ZNF587B: variants seen among roughly 807,000 people sequenced by gnomAD.
ZNF587B encodes the protein zinc finger protein 587B.
ZNF587B carries 6 observed loss-of-function variants against 7.2 expected under a neutral mutation model. The observed-to-expected ratio is 0.83, with a 90% confidence interval of 0.46 to 1.65. The LOEUF (loss-of-function observed/expected upper bound fraction) is 1.65. Ranked by LOEUF, ZNF587B falls within the 40% of genes most tolerant of loss-of-function variation. The pLI, the probability that ZNF587B is intolerant of heterozygous loss-of-function variation, is 0.01. For synonymous variants in ZNF587B, 274 were observed against 254.3 expected (o/e 1.08, Z -0.74); for missense variants, 749 against 761.0 (o/e 0.98, Z 0.19).
rs544862572 is a variant in ZNF587B at position 57,830,551 on chromosome 19, G to C, written c.23G>C (p.Arg8Thr). Residue 8 changes from arginine (R) to threonine (T), a missense_variant, in exon 1 of 3, where the codon AGG (arginine) becomes ACG (threonine). By Grantham distance (71) the Arg-to-Thr change is moderately conservative (BLOSUM62 -1). This residue lies in a region of ZNF587B where 21 missense variants were observed against 16.7 expected (regional missense o/e 1.25). Transcript: ENST00000594901. MAVVATL[R>T]LSAQGTVTFE... ...TCGATGGCGGTGGTGGCCACGCTGA[G>C]GCTCTCTGCTCAGGTAATTGTGGTG... 27 of 1,550,024 alleles carry C rather than the reference G, an allele frequency of 1.7e-5. No individual in the cohort carries two copies. In the African/African-American group the frequency reaches 3.3e-4, roughly 19 times the overall value.
chr19:57,835,679 C>G (rs965015229), intron 1 of ZNF587B, among the ~76,000 whole-genome samples: 1 of 143,036 alleles, frequency 7.0e-6, no homozygotes, highest in African/African-American at 2.7e-5. Flanking sequence ...GGGTTTTGGC[C>G]TTAGCAGCAG....
chr19:57,833,171 A>G (rs1313255312), intron 1 of ZNF587B, among the ~76,000 whole-genome samples: 1 of 151,544 alleles, frequency 6.6e-6, no homozygotes, highest in African/African-American at 2.4e-5. Flanking sequence ...TACAGATGCC[A>G]TCCATGAGCC....
intron 1 of ZNF587B, among the ~76,000 whole-genome samples, chr19:57,833,648 C>G (rs1255568904): frequency 2.0e-5 from 3 of 152,170 alleles, no homozygotes; most frequent in African/African-American, 7.2e-5. Flanking sequence ...TGTGTTACAT[C>G]TGAAGCTGGC....
Position 57,834,583 on chromosome 19 carries a change from C to A in ZNF587B, c.36+4019C>A, listed in dbSNP as rs1211741409. Among the ~76,000 whole-genome samples, 2 of 101,546 alleles carry A rather than the reference C, an allele frequency of 2.0e-5. 1 individual carries two copies. Among genetic ancestry groups the A allele is most frequent in the Non-Finnish European group, 4.2e-5 (2 of 47,348 alleles). 66.6% of individuals were successfully genotyped at this position (101,546 alleles called of 152,430 possible). On this transcript the variant is annotated intron_variant, in intron 1 of 2. Coordinates refer to ENST00000594901, the MANE Select transcript of ZNF587B (RefSeq NM_001376223.1). ...GTGTGGTGGCTCACGCCTGTAATCC[C>A]AGCACTTTGGGAGGCTGAGGCAGGC...
rs1988911572 is a variant in ZNF587B, at chr19:57,842,870, A to G, written c.*294A>G. ...CTTCAAAACTCACAGGAGAGCTGTC[A>G]CTACGGAAATGCCTTTTGAATGTAA... On this transcript the variant is annotated 3_prime_UTR_variant, in exon 3 of 3. Transcript: ENST00000594901. 2 of 985,376 alleles carry G rather than the reference A, an allele frequency of 2.0e-6. No individual in the cohort carries two copies. The highest frequency in any genetic ancestry group is 3.5e-5 in the African/African-American group (2 of 57,254). The allele number at this position is 985,376 out of a possible 1,614,324, so 61.0% of individuals were successfully genotyped here.
At position 57,842,860 on chromosome 19, in the gene ZNF587B, G is replaced by C. The variant is rs908991366; in HGVS notation, c.*284G>C. 1.0e-6 allele frequency: 1 copy of C among 985,294 alleles called. No individual in the cohort carries two copies. The allele number at this position is 985,294 out of a possible 1,614,324, so 61.0% of individuals were successfully genotyped here. A position where few individuals can be genotyped will look rare whatever the true frequency, so the allele number is the denominator to read the frequency against. Reference sequence around the variant, plus strand: ...AGAAGTCTGGCTTCAAAACTCACAGGAGAGCTGTCACTACGGAAATGCCTT... The same window carrying C: ...AGAAGTCTGGCTTCAAAACTCACAGCAGAGCTGTCACTACGGAAATGCCTT... On this transcript the variant is annotated 3_prime_UTR_variant, in exon 3 of 3. Transcript: ENST00000594901.
Position 57,845,770 on chromosome 19 carries a change from T to G in ZNF587B, c.*3194T>G, listed in dbSNP as rs1989034494. On this transcript the variant is annotated 3_prime_UTR_variant, in exon 3 of 3. Coordinates refer to ENST00000594901, the MANE Select transcript of ZNF587B (RefSeq NM_001376223.1). ...GGCTCATGCCTGTATTCCCAGCACT[T>G]TGGGAGGCCAGATTCCTTGAGACCA... 6.6e-6 allele frequency: 1 copy of G among 152,196 alleles called. No individual in the cohort carries two copies. Among genetic ancestry groups the G allele is most frequent in the Non-Finnish European group, 1.5e-5 (1 of 68,036 alleles). The allele number at this position is 152,196 out of a possible 1,614,324, so 9.4% of individuals were successfully genotyped here.
At chr19:57,836,154 A>G (rs919941657) in intron 1 of ZNF587B, among the ~76,000 whole-genome samples, 3 of 151,816 alleles carry the variant, frequency 2.0e-5, no homozygotes, top group African/African-American at 7.3e-5. Flanking sequence ...TACAGAAGTA[A>G]TTGAGGGAAA....
In ZNF587B at chr19:57,830,460, G is replaced by A; in HGVS notation, c.-69G>A. On this transcript the variant is annotated 5_prime_UTR_variant, in exon 1 of 3. Transcript: ENST00000594901. ...TGACCCACCCCTGGGCCAGGATAGG[G>A]ACCGTCATGCCCATATCTCCTGGCT... 6.6e-7 allele frequency: 1 copy of A among 1,524,108 alleles called. No individual in the cohort carries two copies. Among genetic ancestry groups the A allele is most frequent in the African/African-American group, 1.4e-5 (1 of 72,664 alleles). The allele number at this position is 1,524,108 out of a possible 1,614,324, so 94.4% of individuals were successfully genotyped here. A position where few individuals can be genotyped will look rare whatever the true frequency, so the allele number is the denominator to read the frequency against.
chr19:57,840,137 A>C (rs1022657354), intron 2 of ZNF587B, among the ~76,000 whole-genome samples: 4 of 145,556 alleles, frequency 2.7e-5, no homozygotes, highest in African/African-American at 7.5e-5. Flanking sequence ...GAGGTCATGG[A>C]GTCAGGGCTT....
rs1988936258 is a variant in ZNF587B at position 57,843,480 on chromosome 19, T to C, written c.*904T>C. 3 of 985,268 alleles carry C rather than the reference T, an allele frequency of 3.0e-6. No homozygotes were observed. The highest frequency in any genetic ancestry group is 1.7e-5 in the African/African-American group (1 of 57,234). The allele number at this position is 985,268 out of a possible 1,614,324, so 61.0% of individuals were successfully genotyped here. A position where few individuals can be genotyped will look rare whatever the true frequency, so the allele number is the denominator to read the frequency against. The stretch of plus-strand genomic sequence containing the variant: ...CTCAGCTACTTGGTAGGTACCCACA[T>C]TGCATCATTCACCTATTTCGTATTC... On this transcript the variant is annotated 3_prime_UTR_variant, in exon 3 of 3. Transcript: ENST00000594901.
intron 2 of ZNF587B, 65 bp downstream of exon 2, chr19:57,839,214 G>A: frequency 6.3e-7 from 1 of 1,595,696 alleles, no homozygotes; most frequent in Non-Finnish European, 8.5e-7. Flanking sequence ...TTTCCCCATT[G>A]GCAAGACTTT....
In ZNF587B at chr19:57,831,779, A is replaced by G. The variant is rs1424734492; in HGVS notation, c.36+1215A>G. 5.3e-5 allele frequency among the ~76,000 whole-genome samples: 8 copies of G among 149,644 alleles called. No individual in the cohort carries two copies. The Admixed American group carries it at 5.4e-4, about 10-fold the overall frequency. ...GAGTACAGTGGCGTGATCTCGGCTC[A>G]CTGCAACCTCCGCCTGCCGGGTTCA... On this transcript the variant is annotated intron_variant, in intron 1 of 2. Coordinates refer to ENST00000594901, the MANE Select transcript of ZNF587B (RefSeq NM_001376223.1).
chr19:57,838,307 A>T (rs1190905051), intron 1 of ZNF587B, among the ~76,000 whole-genome samples: 3 of 150,286 alleles, frequency 2.0e-5, no homozygotes, highest in Non-Finnish European at 1.5e-5. Context: ...AAAAAAAAAG[A>T]TACTTTAAAT....
rs1417274959 is a variant in ZNF587B at position 57,830,321 on chromosome 19, C to T, written c.-208C>T. 15 of 533,802 alleles carry T rather than the reference C, an allele frequency of 2.8e-5. 1 individual carries two copies. Among genetic ancestry groups the T allele is most frequent in the East Asian group, 1.5e-4 (5 of 32,692 alleles). 33.1% of individuals were successfully genotyped at this position (533,802 alleles called of 1,614,324 possible). ...TTTGATTGGTGTTGGGTTTATTTGT[C>T]GGAGAGGCTCCTGAGCGCTAGGTCG... On this transcript the variant is annotated 5_prime_UTR_variant, in exon 1 of 3. Transcript: ENST00000594901.
intron 1 of ZNF587B, among the ~76,000 whole-genome samples, chr19:57,832,551 CTTTA>C (rs1988457524): frequency 6.6e-6 from 1 of 152,136 alleles, no homozygotes. Context: ...GTCTTTGGTG[CTTTA>C]TTTAGTTTGT....
Position 57,842,668 on chromosome 19 carries a change from C to G in ZNF587B, c.*92C>G. Reference sequence around the variant, plus strand: ...GCAGCAAATGTGGAAAATGTTTACCCAAAAGAAGTCTGCTCTCCTTGGACA... The same window carrying G: ...GCAGCAAATGTGGAAAATGTTTACCGAAAAGAAGTCTGCTCTCCTTGGACA... On this transcript the variant is annotated 3_prime_UTR_variant, in exon 3 of 3. Coordinates refer to ENST00000594901, the MANE Select transcript of ZNF587B (RefSeq NM_001376223.1). 2.7e-5 allele frequency: 36 copies of G among 1,346,918 alleles called. No homozygotes were observed. The highest frequency in any genetic ancestry group is 3.4e-5 in the Non-Finnish European group (36 of 1,053,960). 83.4% of individuals were successfully genotyped at this position (1,346,918 alleles called of 1,614,324 possible).
rs938478617 is a variant in ZNF587B at position 57,845,317 on chromosome 19, C to T, written c.*2741C>T. On this transcript the variant is annotated 3_prime_UTR_variant, in exon 3 of 3. Transcript: ENST00000594901. ...TTTTAAAGGAGTGTCCACAGTTATC[C>T]AGTCACTGTGTCTGTGATGGATAAG... is the stretch of plus-strand genomic sequence containing the variant. The T allele has an allele frequency of 2.6e-5, 4 of 152,126 alleles. No individual in the cohort carries two copies. Among genetic ancestry groups the T allele is most frequent in the African/African-American group, 9.7e-5 (4 of 41,426 alleles). 9.4% of individuals were successfully genotyped at this position (152,126 alleles called of 1,614,324 possible).
Position 57,842,365 on chromosome 19 carries a change from A to G in ZNF587B, c.1691A>G (p.Tyr564Cys), listed in dbSNP as rs775739025. The change falls in exon 3 of 3, where the codon TAT becomes TGT. Residue 564 changes from tyrosine (Y) to cysteine (C), a missense_variant. Tyr to Cys is a radical substitution (Grantham distance 194). This residue lies in a region of ZNF587B where 656 missense variants were observed against 596.5 expected (regional missense o/e 1.10). Coordinates refer to ENST00000594901, the MANE Select transcript of ZNF587B (RefSeq NM_001376223.1). ...GGGAAATCTTTTGCTGCAAGCTCCT[A>G]TCTCACTAGTCACAGGAGAGTTCAC... The part of the protein sequence containing the change: ...ECGKSFAASS[Y>C]LTSHRRVHTG... 1.5e-5 allele frequency: 24 copies of G among 1,604,598 alleles called. No homozygotes were observed. In the Admixed American group the frequency reaches 1.9e-4, roughly 13 times the overall value.
Sources: gnomAD v4.1 joint callset for allele counts (sites outside exome capture counted in the v4.1 genomes callset) on GRCh38, gnomAD v4.1.1 for gene constraint, gnomAD v4.1.1 regional missense constraint, MANE v1.5 for transcripts, NCBI Gene and HGNC (gene_info 2026-07-23, HGNC 2026-07-21) for gene names.